Variants in MAP7 observed in about 807,000 individuals in gnomAD.
MAP7 encodes the protein ensconsin.
A neutral mutation model predicts 94.8 loss-of-function variants in MAP7; 52 were observed. The ratio of observed to expected loss-of-function variants is 0.55; its 90% CI spans 0.44 to 0.69. The LOEUF is 0.69. Ranked by LOEUF, MAP7 falls within the 30% of genes least tolerant of loss-of-function variation. The pLI is 0.00. For synonymous variants in MAP7, 350 were observed against 357.0 expected, an observed-to-expected ratio of 0.98 and a Z score of 0.22; for missense variants, 940 against 964.6, an observed-to-expected ratio of 0.97 and a Z score of 0.34.
rs999099088 is a variant in MAP7 at position 136,530,965 on chromosome 6, TAAAC to T, written c.67+19373_67+19376del. Among the ~76,000 whole-genome samples the T allele has an allele frequency of 1.0e-4, 15 of 144,714 alleles. 1 individual carries two copies. The highest frequency in any genetic ancestry group is 2.7e-4 in the Admixed American group (4 of 14,820). The allele number at this position is 144,714 out of a possible 152,430, so 94.9% of individuals were successfully genotyped here. On this transcript the variant is annotated intron_variant, in intron 1 of 17. Transcript: ENST00000354570. ...CCATTTTCCCATGTCTGCTCTATCA[TAAAC>T]AAATTTCAAACGCTAGGGATTCATT...
intron 1 of MAP7, among the ~76,000 whole-genome samples, chr6:136,543,859 A>G (rs1049193756): frequency 2.0e-5 from 3 of 152,162 alleles, no homozygotes; most frequent in African/African-American, 7.2e-5. Context: ...TGGTGCTTAC[A>G]TTACCTATAC....
intron 1 of MAP7, among the ~76,000 whole-genome samples, chr6:136,460,298 T>C (rs1804745584): frequency 6.6e-6 from 1 of 152,176 alleles, no homozygotes; most frequent in South Asian, 2.1e-4. Context: ...ATATGCACAT[T>C]GATGCTGAGA....
intron 1 of MAP7, among the ~76,000 whole-genome samples, chr6:136,440,568 T>A (rs1222099962): frequency 2.6e-5 from 4 of 152,242 alleles, no homozygotes; most frequent in African/African-American, 4.8e-5. Context: ...ATTGCATCTT[T>A]ACTCACTTAA....
At chr6:136,541,813 C>T (rs1054566096) in intron 1 of MAP7, among the ~76,000 whole-genome samples, 1 of 152,198 alleles carries the variant, frequency 6.6e-6, no homozygotes, top group Non-Finnish European at 1.5e-5. Context: ...AATTCCAGCA[C>T]TTTAGGAGGC....
intron 8 of MAP7, among the ~76,000 whole-genome samples, chr6:136,368,205 T>C (rs1377884370): frequency 3.3e-5 from 5 of 152,208 alleles, no homozygotes; most frequent in Non-Finnish European, 5.9e-5. Flanking sequence ...GAGTTTTTTT[T>C]TTTCTTTCTT....
intron 3 of MAP7, among the ~76,000 whole-genome samples, chr6:136,394,844 T>C (rs1377936212): frequency 1.4e-5 from 2 of 147,670 alleles, no homozygotes; most frequent in African/African-American, 5.0e-5. Context: ...GTGCCTGTCT[T>C]ACTTCTAAGA....
rs1301682242 is a variant in MAP7 at position 136,344,222 on chromosome 6, A to G, written c.*6T>C. 10 of 1,330,308 alleles carry G rather than the reference A, an allele frequency of 7.5e-6. No homozygotes were observed. The African/African-American group carries it at 1.4e-4, about 18-fold the overall frequency. 82.4% of individuals were successfully genotyped at this position (1,330,308 alleles called of 1,614,324 possible). The stretch of plus-strand genomic sequence containing the variant: ...AATTTCAGCTTTGGTTCTTCAGAAG[A>G]AACACTCATATAACTTCTACATGAA... On this transcript the variant is annotated 3_prime_UTR_variant, in exon 18 of 18. Transcript: ENST00000354570.
intron 1 of MAP7, among the ~76,000 whole-genome samples, chr6:136,481,916 T>C (rs570210637): frequency 6.6e-6 from 1 of 152,318 alleles, no homozygotes; most frequent in East Asian, 1.9e-4. Flanking sequence ...CAAATTTTTT[T>C]AAAATTATTA....
chr6:136,358,359 C>T (rs1791571799), intron 15 of MAP7, among the ~76,000 whole-genome samples: 1 of 152,158 alleles, frequency 6.6e-6, no homozygotes, highest in Admixed American at 6.5e-5. Flanking sequence ...ACTCTGACAA[C>T]TCACTGGGTA....
chr6:136,362,847 C>A, intron 10 of MAP7, 145 bp from the exon 11 acceptor site: 2 of 1,328,630 alleles, frequency 1.5e-6, no homozygotes, highest in Non-Finnish European at 2.0e-6. Context: ...CTCACGGTTT[C>A]ACTATGTTCT....
chr6:136,380,839 G>T (rs556240798), intron 6 of MAP7, among the ~76,000 whole-genome samples: 16 of 152,288 alleles, frequency 1.1e-4, no homozygotes, highest in African/African-American at 2.6e-4. Context: ...GCTTCCCTTG[G>T]CTTTGGAGGG....
intron 3 of MAP7, among the ~76,000 whole-genome samples, chr6:136,394,858 T>C (rs568311356): frequency 4.2e-4 from 61 of 145,830 alleles, no homozygotes; most frequent in African/African-American, 1.3e-3. Context: ...TCTAAGACAG[T>C]GACCTGCAGT....
At chr6:136,513,942 C>G (rs1472906340) in intron 1 of MAP7, among the ~76,000 whole-genome samples, 1 of 152,144 alleles carries the variant, frequency 6.6e-6, no homozygotes, top group Non-Finnish European at 1.5e-5. Context: ...CACCACTGGA[C>G]TCTCTCACCT....
intron 1 of MAP7, among the ~76,000 whole-genome samples, chr6:136,541,200 A>G (rs369510564): frequency 2.0e-5 from 3 of 152,318 alleles, no homozygotes; most frequent in African/African-American, 7.2e-5. Flanking sequence ...AAGTTTTGCT[A>G]CAGGAACACA....
chr6:136,489,808 C>T (rs1041873885), intron 1 of MAP7, among the ~76,000 whole-genome samples: 7 of 151,930 alleles, frequency 4.6e-5, no homozygotes, highest in African/African-American at 1.2e-4. Flanking sequence ...GGATTACAGG[C>T]GTGAGTCACC....
chr6:136,362,379 CTCTCAGAGG>C, intron 11 of MAP7, 62 bp downstream of exon 11: 1 of 1,563,378 alleles, frequency 6.4e-7, no homozygotes, highest in Non-Finnish European at 8.7e-7. Context: ...CACCTCCTCC[CTCTCAGAGG>C]GGTGATGAGT....
intron 6 of MAP7, among the ~76,000 whole-genome samples, chr6:136,378,661 G>A (rs747680656): frequency 6.6e-6 from 1 of 152,054 alleles, no homozygotes; most frequent in Non-Finnish European, 1.5e-5. Flanking sequence ...TTAAAATAAC[G>A]CAATGATGTA....
intron 9 of MAP7, 78 bp from the exon 10 acceptor site, chr6:136,366,096 G>T: frequency 7.1e-7 from 1 of 1,414,854 alleles, no homozygotes; most frequent in Non-Finnish European, 9.5e-7. Context: ...ACGACTCGAT[G>T]GAAGAGAATG....
intron 2 of MAP7, among the ~76,000 whole-genome samples, chr6:136,413,913 G>C (rs1788332223): frequency 6.6e-6 from 1 of 152,060 alleles, no homozygotes; most frequent in Non-Finnish European, 1.5e-5. Context: ...GCATAAACCA[G>C]GCAGTGTGGA....
Sources: gnomAD v4.1 joint callset for allele counts (sites outside exome capture counted in the v4.1 genomes callset) on GRCh38, gnomAD v4.1.1 for gene constraint, MANE v1.5 for transcripts, NCBI Gene and HGNC (gene_info 2026-07-23, HGNC 2026-07-21) for gene names.